The following DRD2 variants were observed in gnomAD, a reference collection of about 807,000 sequenced individuals.
DRD2 encodes the protein D(2) dopamine receptor.
In DRD2, 8 loss-of-function variants were observed where a neutral mutation model predicts 38.0. That is an observed-to-expected ratio of 0.21 (90% CI 0.12 to 0.38). The LOEUF (loss-of-function observed/expected upper bound fraction) is 0.38, where lower values mean the gene tolerates loss of function less well. DRD2 is among the 10% of genes least tolerant of loss of function. The probability of loss-of-function intolerance (pLI) is 1.00; values close to 1 mark genes in which losing one functional copy is unlikely to be tolerated. For synonymous variants in DRD2, 230 were observed against 238.6 expected (o/e 0.96, Z 0.33); for missense variants, 403 against 607.7 (o/e 0.66, Z 3.54).
At chr11:113,461,514 T>C (rs1951318694) in intron 1 of DRD2, among the ~76,000 whole-genome samples, 1 of 152,158 alleles carries the variant, frequency 6.6e-6, no homozygotes. Flanking sequence ...GTTACTATTA[T>C]TACTATTACC....
intron 1 of DRD2, among the ~76,000 whole-genome samples, chr11:113,453,113 A>G (rs935270529): frequency 6.6e-5 from 10 of 152,170 alleles, no homozygotes; most frequent in Non-Finnish European, 2.9e-5. Context: ...TCTAAGCCAC[A>G]GTTTTATCAC....
At chr11:113,414,719 C>T (rs578208068) in intron 5 of DRD2, among the ~76,000 whole-genome samples, 17 of 152,238 alleles carry the variant, frequency 1.1e-4, no homozygotes, top group African/African-American at 2.9e-4. Flanking sequence ...GGCACACTCA[C>T]GTCCCTTCTC....
intron 1 of DRD2, among the ~76,000 whole-genome samples, chr11:113,445,380 G>A (rs11214609): frequency 6.6e-6 from 1 of 152,018 alleles, no homozygotes; most frequent in Non-Finnish European, 1.5e-5. Context: ...GAAGGGTATA[G>A]GGGAACTCTC....
At chr11:113,469,025 C>T (rs1951396757) in intron 1 of DRD2, among the ~76,000 whole-genome samples, 1 of 152,200 alleles carries the variant, frequency 6.6e-6, no homozygotes, top group African/African-American at 2.4e-5. Flanking sequence ...TGGCAGAAGT[C>T]TGGCTTTCAT....
intron 1 of DRD2, among the ~76,000 whole-genome samples, chr11:113,437,432 C>T (rs1434072966): frequency 6.6e-6 from 1 of 152,146 alleles, no homozygotes; most frequent in East Asian, 1.9e-4. Context: ...AGACTGGTGT[C>T]CACAGAGCCC....
intron 7 of DRD2, 59 bp downstream of exon 7, chr11:113,412,497 T>TG: frequency 6.3e-7 from 1 of 1,591,770 alleles, no homozygotes; most frequent in South Asian, 1.1e-5. Flanking sequence ...AGGAAGGACA[T>TG]GGCAGGGAAT....
chr11:113,444,621 T>C (rs56375651), intron 1 of DRD2, among the ~76,000 whole-genome samples: 27 of 152,314 alleles, frequency 1.8e-4, no homozygotes, highest in Non-Finnish European at 2.4e-4. Context: ...TGAATGACTG[T>C]CTTTTACACT....
At chr11:113,440,448 G>C (rs138546069) in intron 1 of DRD2, among the ~76,000 whole-genome samples, 2 of 152,352 alleles carry the variant, frequency 1.3e-5, no homozygotes, top group Non-Finnish European at 2.9e-5. Flanking sequence ...GCTACTTCTT[G>C]AAACTATTTC....
chr11:113,453,936 G>T (rs1426832476), intron 1 of DRD2, among the ~76,000 whole-genome samples: 1 of 152,174 alleles, frequency 6.6e-6, no homozygotes, highest in Non-Finnish European at 1.5e-5. Flanking sequence ...TTTTGATGGG[G>T]GGCTGGGGGG....
chr11:113,453,486 G>A lies in DRD2; in HGVS notation c.-32+21590C>T, dbSNP rs377009740. Among the ~76,000 whole-genome samples the A allele has an allele frequency of 3.5e-4, 54 of 152,338 alleles. No homozygotes were observed. The South Asian group carries it at 5.8e-3, about 16-fold the overall frequency. ...ATCAAATGAGAAGTTTTAGAATTAC[G>A]ATTGCCTGTTTTCTTGTATTCTTCT... On this transcript the variant is annotated intron_variant, in intron 1 of 7. Transcript: ENST00000362072.
At chr11:113,428,201 A>T (rs577948753) in intron 1 of DRD2, among the ~76,000 whole-genome samples, 1 of 152,330 alleles carries the variant, frequency 6.6e-6, no homozygotes, top group Admixed American at 6.5e-5. Flanking sequence ...ATCAGCCTGC[A>T]GGAAATGTAC....
At chr11:113,460,117 C>T (rs1418638568) in intron 1 of DRD2, among the ~76,000 whole-genome samples, 1 of 152,258 alleles carries the variant, frequency 6.6e-6, no homozygotes, top group Non-Finnish European at 1.5e-5. Flanking sequence ...AACTCAGCGG[C>T]TATGATTAGA....
chr11:113,425,880 G>T (rs777344731), intron 1 of DRD2, among the ~76,000 whole-genome samples: 4 of 152,142 alleles, frequency 2.6e-5, no homozygotes, highest in Non-Finnish European at 4.4e-5. Context: ...GGCCAAAAAT[G>T]TAGGGTATGG....
chr11:113,441,884 G>T (rs1951096609), intron 1 of DRD2, among the ~76,000 whole-genome samples: 2 of 151,042 alleles, frequency 1.3e-5, no homozygotes, highest in South Asian at 2.1e-4. Flanking sequence ...GGCGGTGGAG[G>T]TTGCAGTGAG....
intron 1 of DRD2, among the ~76,000 whole-genome samples, chr11:113,463,672 T>C (rs188405179): frequency 6.6e-6 from 1 of 152,140 alleles, no homozygotes; most frequent in Admixed American, 6.5e-5. Flanking sequence ...TCAATGACAG[T>C]CCCACTTTGT....
At chr11:113,459,569 C>T (rs555725930) in intron 1 of DRD2, among the ~76,000 whole-genome samples, 7 of 152,120 alleles carry the variant, frequency 4.6e-5, no homozygotes, top group African/African-American at 9.6e-5. Flanking sequence ...GAAAGAAAGC[C>T]GAGCAGTGAG....
At chr11:113,474,806 C>T (rs985905397) in intron 1 of DRD2, among the ~76,000 whole-genome samples, 1 of 151,920 alleles carries the variant, frequency 6.6e-6, no homozygotes, top group African/African-American at 2.4e-5. Context: ...CCCAGCTGCG[C>T]CCGCTCGTGC....
intron 1 of DRD2, among the ~76,000 whole-genome samples, chr11:113,433,481 G>A (rs528221945): frequency 2.6e-4 from 40 of 152,280 alleles, no homozygotes; most frequent in African/African-American, 8.7e-4. Context: ...TTTGGGGGTG[G>A]CAGAGGCTGC....
At chr11:113,460,608 C>A (rs773328603) in intron 1 of DRD2, among the ~76,000 whole-genome samples, 4 of 152,242 alleles carry the variant, frequency 2.6e-5, no homozygotes, top group Non-Finnish European at 5.9e-5. Flanking sequence ...CCCTCCCTGG[C>A]CTGTGGGAGC....
Sources: gnomAD v4.1 joint callset for allele counts (sites outside exome capture counted in the v4.1 genomes callset) on GRCh38, gnomAD v4.1.1 for gene constraint, MANE v1.5 for transcripts, NCBI Gene and HGNC (gene_info 2026-07-23, HGNC 2026-07-21) for gene names.